The following CMIP variants were observed in gnomAD, a reference collection of about 807,000 sequenced individuals.
The protein encoded by CMIP is c-Maf inducing protein.
A neutral mutation model predicts 97.3 loss-of-function variants in CMIP; 13 were observed. That is an observed-to-expected ratio of 0.13 (90% CI 0.09 to 0.21). CMIP has a LOEUF of 0.21. Among genes scored for constraint, CMIP ranks in the 10% least tolerant of loss-of-function variants. The pLI, the probability that CMIP is intolerant of heterozygous loss-of-function variation, is 1.00. For synonymous variants in CMIP, 538 were observed against 436.3 expected (o/e 1.23, Z -2.91); for missense variants, 847 against 1,024.9 (o/e 0.83, Z 2.37).
At chr16:81,685,430 C>T (rs539443351) in intron 10 of CMIP, among the ~76,000 whole-genome samples, 3 of 152,172 alleles carry the variant, frequency 2.0e-5, no homozygotes, top group South Asian at 2.1e-4. Context: ...GCTCATAGTC[C>T]CCCGTGGGGA....
At chr16:81,679,320 T>C (rs1283136801) in intron 10 of CMIP, among the ~76,000 whole-genome samples, 2 of 152,010 alleles carry the variant, frequency 1.3e-5, no homozygotes, top group African/African-American at 4.8e-5. Flanking sequence ...TTGGGCTAGT[T>C]TTGTGCACTA....
intron 10 of CMIP, among the ~76,000 whole-genome samples, chr16:81,679,060 G>T (rs1336105802): frequency 1.3e-5 from 2 of 152,222 alleles, no homozygotes; most frequent in Admixed American, 1.3e-4. Context: ...GAGCACAGGG[G>T]TGCCCAAGTG....
At chr16:81,490,440 T>C (rs1309884517) in intron 1 of CMIP, among the ~76,000 whole-genome samples, 1 of 152,046 alleles carries the variant, frequency 6.6e-6, no homozygotes, top group African/African-American at 2.4e-5. Flanking sequence ...GCCAACATGG[T>C]GAAAGCCTGT....
intron 1 of CMIP, among the ~76,000 whole-genome samples, chr16:81,470,158 T>C (rs1907436227): frequency 6.6e-6 from 1 of 152,236 alleles, no homozygotes; most frequent in Non-Finnish European, 1.5e-5. Context: ...TAAAGAGAAT[T>C]TCAAAAGAAG....
At chr16:81,539,860 A>G (rs1487846900) in intron 1 of CMIP, among the ~76,000 whole-genome samples, 3 of 152,218 alleles carry the variant, frequency 2.0e-5, no homozygotes, top group Admixed American at 2.0e-4. Context: ...TGTGATTCAT[A>G]GCACAATTTA....
chr16:81,665,989 G>C lies in CMIP; in HGVS notation c.825+1640G>C, dbSNP rs189898353. On this transcript the variant is annotated intron_variant, in intron 7 of 20. Transcript: ENST00000537098. ...GTTGCTGATTTCTGAGCCCCTCCTA[G>C]ATTTGGGGTAAATTCATTTCTTGTT... 9 of 152,304 alleles carry C rather than the reference G, an allele frequency of 5.9e-5. No individual in the cohort carries two copies. The East Asian group carries it at 1.7e-3, about 29-fold the overall frequency. 9.4% of individuals were successfully genotyped at this position (152,304 alleles called of 1,614,324 possible).
intron 10 of CMIP, among the ~76,000 whole-genome samples, chr16:81,685,922 T>A (rs1318829933): frequency 6.6e-6 from 1 of 152,112 alleles, no homozygotes; most frequent in Non-Finnish European, 1.5e-5. Context: ...CGGGCCACCC[T>A]CCTTGTGAGA....
In CMIP at chr16:81,621,013, G is replaced by A; in HGVS notation, c.477+87G>A. ...CAATCTGTCACCCAGAGGCATGAAAGTGGAGAACTCATGCCTTCCAGATGG... is the reference window on the plus strand; with the variant it reads ...CAATCTGTCACCCAGAGGCATGAAAATGGAGAACTCATGCCTTCCAGATGG... On this transcript the variant is annotated intron_variant, in intron 3 of 20. Coordinates refer to ENST00000537098, the MANE Select transcript of CMIP (RefSeq NM_198390.3). This position sits in a 1 kb window ranked among gnomAD's most constrained non-coding sequence, Gnocchi z 4.1. 2.0e-6 allele frequency: 3 copies of A among 1,537,170 alleles called. No homozygotes were observed. Among genetic ancestry groups the A allele is most frequent in the Non-Finnish European group, 2.7e-6 (3 of 1,117,512 alleles).
intron 9 of CMIP, among the ~76,000 whole-genome samples, chr16:81,673,268 C>A (rs1443580837): frequency 6.6e-6 from 1 of 152,142 alleles, no homozygotes; most frequent in Non-Finnish European, 1.5e-5. Flanking sequence ...GTAATCCCAG[C>A]AGTTTGGAAG....
intron 1 of CMIP, among the ~76,000 whole-genome samples, chr16:81,459,481 A>G (rs888745230): frequency 2.6e-5 from 4 of 152,196 alleles, no homozygotes; most frequent in African/African-American, 9.7e-5. Context: ...TCCCAACCCA[A>G]GCAAGATGGA....
rs375695614 is a variant in CMIP, at chr16:81,496,296, G to A, written c.300+50755G>A. 1.5e-4 allele frequency among the ~76,000 whole-genome samples: 23 copies of A among 152,300 alleles called. 1 individual carries two copies. In the East Asian group the frequency reaches 2.5e-3, roughly 17 times the overall value. ...AATCAATATTTGTCGTGCCTGTTGT[G>A]TGCTCAGAATACAGCAGTGAACAAA... On this transcript the variant is annotated intron_variant, in intron 1 of 20. Transcript: ENST00000537098.
chr16:81,581,161 T>A (rs890345428), intron 1 of CMIP, among the ~76,000 whole-genome samples: 2 of 152,360 alleles, frequency 1.3e-5, no homozygotes, highest in Admixed American at 1.3e-4. Flanking sequence ...CATTTTTCTT[T>A]CTTATCCATT....
intron 1 of CMIP, among the ~76,000 whole-genome samples, chr16:81,534,974 G>A (rs1484971505): frequency 6.6e-6 from 1 of 152,030 alleles, no homozygotes; most frequent in Non-Finnish European, 1.5e-5. Flanking sequence ...TTTTTGAGAC[G>A]GAGTCTTGCT....
intron 1 of CMIP, among the ~76,000 whole-genome samples, chr16:81,544,199 C>T (rs1312183053): frequency 6.6e-6 from 1 of 152,246 alleles, no homozygotes. Flanking sequence ...AGTGTGAACT[C>T]ACGGAGACAG....
At chr16:81,535,374 C>G (rs1043094763) in intron 1 of CMIP, among the ~76,000 whole-genome samples, 1 of 151,988 alleles carries the variant, frequency 6.6e-6, no homozygotes, top group Non-Finnish European at 1.5e-5. Context: ...GCATAAAATT[C>G]CAGTGTATTT....
At chr16:81,609,369 C>A (rs1031521020) in intron 2 of CMIP, among the ~76,000 whole-genome samples, 2 of 152,198 alleles carry the variant, frequency 1.3e-5, no homozygotes, top group Non-Finnish European at 2.9e-5. Context: ...TCAGTGCCAG[C>A]CCCCCTCGGC....
Position 81,702,618 on chromosome 16 carries a change from G to A in CMIP, c.1897-4G>A. On this transcript the variant is annotated splice_polypyrimidine_tract_variant and splice_region_variant and intron_variant, in intron 16 of 20. Coordinates refer to ENST00000537098, the MANE Select transcript of CMIP (RefSeq NM_198390.3). ...GGTTGTAACCAGCCTGGTTTCTGTT[G>A]CAGCAAAGGAAAGGCGGGCCCACCA... The A allele has an allele frequency of 1.2e-6, 2 of 1,613,316 alleles. No homozygotes were observed. The highest frequency in any genetic ancestry group is 2.2e-5 in the South Asian group (2 of 90,892).
At chr16:81,626,073 C>A (rs984475676) in intron 3 of CMIP, among the ~76,000 whole-genome samples, 4 of 152,248 alleles carry the variant, frequency 2.6e-5, no homozygotes, top group African/African-American at 7.2e-5. Context: ...ACGCTGCCTT[C>A]TTCTTGCTGG....
At chr16:81,610,112 T>A (rs886662147) in intron 2 of CMIP, among the ~76,000 whole-genome samples, 2 of 152,134 alleles carry the variant, frequency 1.3e-5, no homozygotes, top group Non-Finnish European at 2.9e-5. Flanking sequence ...TCATTCCTTC[T>A]GGGGCTGGAG....
Sources: allele counts gnomAD v4.1 joint callset (sites outside exome capture counted in the v4.1 genomes callset), GRCh38; gene constraint gnomAD v4.1.1; non-coding constraint Gnocchi (gnomAD v3.1); transcripts MANE v1.5; gene names NCBI Gene and HGNC (gene_info 2026-07-23, HGNC 2026-07-21).